PRELID2: variants seen among roughly 807,000 people sequenced by gnomAD.
PRELID2 encodes PRELI domain-containing protein 2.
A neutral mutation model predicts 28.4 loss-of-function variants in PRELID2; 25 were observed. That is an observed-to-expected ratio of 0.88 (90% CI 0.64 to 1.23). The LOEUF (loss-of-function observed/expected upper bound fraction) is 1.23, where lower values mean the gene tolerates loss of function less well. Among genes scored for constraint, PRELID2 ranks in the 50% most tolerant of loss-of-function variants. The pLI, the probability that PRELID2 is intolerant of heterozygous loss-of-function variation, is 0.00. For missense variants in PRELID2, 201 were observed against 214.4 expected, an observed-to-expected ratio of 0.94 and a Z score of 0.39; for synonymous variants, 76 against 71.6, an observed-to-expected ratio of 1.06 and a Z score of -0.31.
At chr5:145,569,064 C>T (rs1045692446) in intron 1 of PRELID2, among the ~76,000 whole-genome samples, 37 of 152,318 alleles carry the variant, frequency 2.4e-4, no homozygotes, top group African/African-American at 8.9e-4. Context: ...TTATCAATTA[C>T]ATCATCACCT....
At chr5:145,265,315 T>C in the PRELID2 span, among the ~76,000 whole-genome samples, 2 of 152,062 alleles carry the variant, frequency 1.3e-5, no homozygotes, top group Admixed American at 1.3e-4. Context: ...AAAGAAATCA[T>C]AGATGACACA....
Position 145,792,064 on chromosome 5 carries a change from C to T in PRELID2, c.474+4378G>A, listed in dbSNP as rs147283996. 1.9e-4 allele frequency among the ~76,000 whole-genome samples: 29 copies of T among 152,220 alleles called. No individual in the cohort carries two copies. In the East Asian group the frequency reaches 5.0e-3, roughly 26 times the overall value. On this transcript the variant is annotated intron_variant, in intron 5 of 6. Transcript: ENST00000683046. The stretch of plus-strand genomic sequence containing the variant: ...TCCTCTCTTGTAACTGAGCTCCCTA[C>T]GTTTGCATTCCTCCATCATTACCGT...
the PRELID2 span, among the ~76,000 whole-genome samples, chr5:145,445,229 T>C: frequency 6.6e-6 from 1 of 151,988 alleles, no homozygotes; most frequent in Non-Finnish European, 1.5e-5. Flanking sequence ...TGAATCCAAG[T>C]ATCCACAGCC....
At chr5:145,602,649 A>C (rs554195468) in intron 1 of PRELID2, among the ~76,000 whole-genome samples, 1 of 152,220 alleles carries the variant, frequency 6.6e-6, no homozygotes, top group South Asian at 2.1e-4. Context: ...CTTGAAAAAT[A>C]AATGGAAATA....
intron 1 of PRELID2, among the ~76,000 whole-genome samples, chr5:145,530,052 A>G (rs1048388333): frequency 6.6e-6 from 1 of 152,150 alleles, no homozygotes; most frequent in Non-Finnish European, 1.5e-5. Flanking sequence ...CTTCACATCT[A>G]TTTTTCCTCT....
intron 1 of PRELID2, among the ~76,000 whole-genome samples, chr5:145,634,027 C>T (rs1753968187): frequency 6.6e-6 from 1 of 152,084 alleles, no homozygotes; most frequent in South Asian, 2.1e-4. Flanking sequence ...CCCCATGTGC[C>T]CCAGCTCCCA....
At chr5:145,737,103 G>A (rs777584592) in intron 1 of PRELID2, among the ~76,000 whole-genome samples, 2 of 152,018 alleles carry the variant, frequency 1.3e-5, no homozygotes, top group Non-Finnish European at 1.5e-5. Context: ...AAGAGAGACC[G>A]AGACTTTGAG....
chr5:145,811,602 G>A (rs1050450871), intron 4 of PRELID2, among the ~76,000 whole-genome samples: 14 of 152,260 alleles, frequency 9.2e-5, no homozygotes, highest in African/African-American at 3.1e-4. Context: ...GATTCTAAAC[G>A]CAGATGCCTA....
the PRELID2 span, among the ~76,000 whole-genome samples, chr5:145,370,129 A>G: frequency 6.6e-6 from 1 of 151,900 alleles, no homozygotes; most frequent in South Asian, 2.1e-4. Context: ...GTTTAATTAG[A>G]TCCCATTTGT....
chr5:145,286,582 C>A, the PRELID2 span, among the ~76,000 whole-genome samples: 1 of 152,150 alleles, frequency 6.6e-6, no homozygotes. Context: ...TCTCAAAATA[C>A]CTCTCAAGAA....
chr5:145,366,405 AG>A, the PRELID2 span, among the ~76,000 whole-genome samples: 1 of 152,012 alleles, frequency 6.6e-6, no homozygotes, highest in Non-Finnish European at 1.5e-5. Context: ...AGAAAATAAC[AG>A]GAATTTGGAG....
chr5:145,350,717 T>C, the PRELID2 span, among the ~76,000 whole-genome samples: 1 of 152,152 alleles, frequency 6.6e-6, no homozygotes, highest in East Asian at 1.9e-4. Context: ...AGGGGACCAC[T>C]AGCACAGAGC....
the PRELID2 span, among the ~76,000 whole-genome samples, chr5:145,277,935 C>T: frequency 6.6e-6 from 1 of 152,184 alleles, no homozygotes; most frequent in Non-Finnish European, 1.5e-5. Flanking sequence ...TTCTAATACG[C>T]CTCCTGCATA....
chr5:145,267,085 C>A, the PRELID2 span, among the ~76,000 whole-genome samples: 1 of 152,084 alleles, frequency 6.6e-6, no homozygotes, highest in Non-Finnish European at 1.5e-5. Flanking sequence ...AGGCCATCTG[C>A]AAGCCGAGGA....
the PRELID2 span, among the ~76,000 whole-genome samples, chr5:145,439,527 T>A: frequency 6.6e-6 from 1 of 152,108 alleles, no homozygotes; most frequent in Middle Eastern, 3.2e-3. Context: ...ATCTTTAAAA[T>A]CAGCACTACC....
intron 1 of PRELID2, among the ~76,000 whole-genome samples, chr5:145,731,708 T>C (rs1756351991): frequency 6.6e-6 from 1 of 152,206 alleles, no homozygotes; most frequent in Non-Finnish European, 1.5e-5. Context: ...TCCATTACGA[T>C]GAATCAGAAA....
At chr5:145,637,879 C>T (rs988924611) in intron 1 of PRELID2, among the ~76,000 whole-genome samples, 1 of 149,182 alleles carries the variant, frequency 6.7e-6, no homozygotes, top group Admixed American at 6.7e-5. Flanking sequence ...GGCACGATCT[C>T]GGCTCACTGC....
At chr5:145,810,233 C>G (rs1470052641) in intron 4 of PRELID2, among the ~76,000 whole-genome samples, 1 of 152,124 alleles carries the variant, frequency 6.6e-6, no homozygotes, top group Non-Finnish European at 1.5e-5. Flanking sequence ...GATTAAGATT[C>G]ACTTTTCTTT....
At chr5:145,700,195 C>G (rs1228637173) in intron 1 of PRELID2, among the ~76,000 whole-genome samples, 1 of 117,496 alleles carries the variant, frequency 8.5e-6, no homozygotes, top group Non-Finnish European at 1.6e-5. Context: ...TCAACAGCAT[C>G]CCCCCCAACT....
Sources: allele counts gnomAD v4.1 joint callset (sites outside exome capture counted in the v4.1 genomes callset), GRCh38; gene constraint gnomAD v4.1.1; transcripts MANE v1.5; gene names NCBI Gene and HGNC (gene_info 2026-07-23, HGNC 2026-07-21).